The following HFM1 variants were observed in gnomAD, a reference collection of about 807,000 sequenced individuals.
The protein encoded by HFM1 is helicase for meiosis 1, also known as probable ATP-dependent DNA helicase HFM1.
HFM1 carries 169 observed loss-of-function variants against 192.1 expected under a neutral mutation model. That is an observed-to-expected ratio of 0.88 (90% CI 0.78 to 1.00). The LOEUF (loss-of-function observed/expected upper bound fraction) is 1.00. Among genes scored for constraint, HFM1 ranks in the 50% least tolerant of loss-of-function variants. The pLI is 0.00. For missense variants in HFM1, 1,661 were observed against 1,668.0 expected (o/e 1.00, Z 0.07); for synonymous variants, 525 against 537.8 (o/e 0.98, Z 0.33).
chr1:91,404,199 C>A lies in HFM1; in HGVS notation c.-28+599G>T, dbSNP rs567369108. Among the ~76,000 whole-genome samples, 7 of 152,342 alleles carry A rather than the reference C, an allele frequency of 4.6e-5. No individual in the cohort carries two copies. The South Asian group carries it at 1.4e-3, about 32-fold the overall frequency. On this transcript the variant is annotated intron_variant, in intron 1 of 38. Transcript: ENST00000370425. ...CCAGATCTCACCCCCTCTCCCCAGG[C>A]ACCAACAGGGCTGGCTGGAAGGGTC... is the stretch of plus-strand genomic sequence containing the variant.
In HFM1 at chr1:91,350,786, G is replaced by C. The variant is rs200863694; in HGVS notation, c.2158C>G (p.Arg720Gly). 1.9e-6 allele frequency: 3 copies of C among 1,610,364 alleles called. No individual in the cohort carries two copies. The highest frequency in any genetic ancestry group is 2.5e-6 in the Non-Finnish European group (3 of 1,177,866). ...TDVNIAVEWI[R>G]STLLYIRALK... Reference sequence around the variant, plus strand: ...GCTCTGATATAAAGCAGAGTTGATCGTATCCATTCCACAGCAATATTCACA... The same window carrying C: ...GCTCTGATATAAAGCAGAGTTGATCCTATCCATTCCACAGCAATATTCACA... Residue 720 changes from arginine (R) to glycine (G), a missense_variant, in exon 18 of 39, where the codon CGA becomes GGA. Coordinates refer to ENST00000370425, the MANE Select transcript of HFM1 (RefSeq NM_001017975.6).
At chr1:91,322,648 A>G (rs1652300677) in intron 23 of HFM1, among the ~76,000 whole-genome samples, 1 of 152,180 alleles carries the variant, frequency 6.6e-6, no homozygotes, top group Non-Finnish European at 1.5e-5. Context: ...CATACTGTCC[A>G]TTATTTTTAA....
At chr1:91,296,900 T>A (rs1468749665) in intron 30 of HFM1, among the ~76,000 whole-genome samples, 3 of 152,178 alleles carry the variant, frequency 2.0e-5, no homozygotes, top group Non-Finnish European at 4.4e-5. Context: ...CATTTCTAAC[T>A]GAGGTACCGG....
intron 19 of HFM1, among the ~76,000 whole-genome samples, chr1:91,344,111 G>A (rs1000676646): frequency 5.3e-5 from 8 of 152,242 alleles, no homozygotes; most frequent in Admixed American, 2.0e-4. Flanking sequence ...GATGCTTTTA[G>A]GTGTTTACTT....
intron 30 of HFM1, among the ~76,000 whole-genome samples, chr1:91,280,280 T>G (rs487069): frequency 6.6e-6 from 1 of 152,012 alleles, no homozygotes; most frequent in African/African-American, 2.4e-5. Context: ...GCAGAGGGGA[T>G]AGCATATGCT....
intron 2 of HFM1, among the ~76,000 whole-genome samples, chr1:91,400,444 G>C (rs1006410127): frequency 6.6e-6 from 1 of 151,214 alleles, no homozygotes; most frequent in African/African-American, 2.4e-5. Context: ...GAACAAACCA[G>C]AAATACAAAT....
At chr1:91,329,411 G>C in intron 20 of HFM1, 2 of 1,577,204 alleles carry the variant, frequency 1.3e-6, no homozygotes. Context: ...ATTTCTTCAA[G>C]GTGACTGGCT....
chr1:91,406,316 A>G (rs1370714996), upstream of HFM1, among the ~76,000 whole-genome samples: 3 of 152,364 alleles, frequency 2.0e-5, no homozygotes, highest in East Asian at 3.9e-4. Context: ...GGTTTGAGTG[A>G]TAGAATTGTA....
At position 91,380,221 on chromosome 1, in the gene HFM1, T is replaced by A. The variant is rs111276867; in HGVS notation, c.889A>T (p.Arg297Trp). The change falls in exon 8 of 39, where the codon AGG becomes TGG. Residue 297 changes from arginine (R) to tryptophan (W), a missense_variant. Coordinates refer to ENST00000370425, the MANE Select transcript of HFM1 (RefSeq NM_001017975.6). ...GTTGGAGCACAAATCACAAAATTCC[T>A]ATCTGTGTAAAGAAGCTAAAAAATA... is the stretch of plus-strand genomic sequence containing the variant. ...KAFDDLLYTDRNFVICAPTGS... is the reference protein window; with the variant it reads ...KAFDDLLYTDWNFVICAPTGS... 2.5e-4 allele frequency: 387 copies of A among 1,576,794 alleles called. 1 individual carries two copies. In the African/African-American group the frequency reaches 4.9e-3, roughly 20 times the overall value.
Position 91,316,136 on chromosome 1 carries a change from T to C in HFM1, c.2947A>G (p.Met983Val). The C allele has an allele frequency of 6.3e-7, 1 of 1,593,698 alleles. No individual in the cohort carries two copies. ...PFGTQIKETVMYLPKYELKVE... is the reference protein window; with the variant it reads ...PFGTQIKETVVYLPKYELKVE... Reference sequence around the variant, plus strand: ...TTAAGTTCATATTTTGGTAGATACATCACAGTTTCTTTTATCTGGGTTCCA... The same window carrying C: ...TTAAGTTCATATTTTGGTAGATACACCACAGTTTCTTTTATCTGGGTTCCA... The change falls in exon 27 of 39, where the codon ATG becomes GTG. Residue 983 changes from methionine (M) to valine (V), a missense_variant. By Grantham distance (21) the Met-to-Val change is conservative. Coordinates refer to ENST00000370425, the MANE Select transcript of HFM1 (RefSeq NM_001017975.6).
intron 16 of HFM1, 135 bp from the exon 17 acceptor site, chr1:91,351,778 T>C: frequency 2.4e-6 from 1 of 415,268 alleles, no homozygotes; most frequent in Non-Finnish European, 4.3e-6. Context: ...GCCTTAAAAA[T>C]GCTCTCATTT....
At chr1:91,382,696 T>A (rs1261728478) in intron 6 of HFM1, among the ~76,000 whole-genome samples, 2 of 152,358 alleles carry the variant, frequency 1.3e-5, no homozygotes. Flanking sequence ...TGGGCCATCA[T>A]GTTGGTTTTT....
In HFM1 at chr1:91,299,922, A is replaced by G. The variant is rs1032486066; in HGVS notation, c.3391+13427T>C. On this transcript the variant is annotated intron_variant, in intron 30 of 38. Coordinates refer to ENST00000370425, the MANE Select transcript of HFM1 (RefSeq NM_001017975.6). ...ATTCAAAAGCTAGCAGAAGTCAAGA[A>G]ATAACTAAGATCAGAGCAGAACTGA... is the stretch of plus-strand genomic sequence containing the variant. Among the ~76,000 whole-genome samples, 222 of 152,322 alleles carry G rather than the reference A, an allele frequency of 1.5e-3. 1 individual carries two copies. Among genetic ancestry groups the G allele is most frequent in the Middle Eastern group, 3.4e-3 (1 of 294 alleles).
At chr1:91,399,500 C>A (rs1664056489) in intron 2 of HFM1, among the ~76,000 whole-genome samples, 1 of 152,158 alleles carries the variant, frequency 6.6e-6, no homozygotes, top group African/African-American at 2.4e-5. Context: ...AATCCTTATT[C>A]CAGCATTCAA....
intron 30 of HFM1, among the ~76,000 whole-genome samples, chr1:91,302,614 T>C (rs1209982708): frequency 1.3e-5 from 2 of 152,086 alleles, no homozygotes; most frequent in African/African-American, 4.8e-5. Context: ...TAAAAAATGA[T>C]GAGTTCATGT....
intron 2 of HFM1, among the ~76,000 whole-genome samples, chr1:91,399,124 T>C (rs1168158499): frequency 6.6e-6 from 1 of 152,240 alleles, no homozygotes; most frequent in East Asian, 1.9e-4. Context: ...CTGAGTACTA[T>C]GTGCCAGGTA....
In HFM1 at chr1:91,377,766, T is replaced by C. The variant is rs541386630; in HGVS notation, c.1395+259A>G. On this transcript the variant is annotated intron_variant, in intron 11 of 38. Coordinates refer to ENST00000370425, the MANE Select transcript of HFM1 (RefSeq NM_001017975.6). ...GTTAGTGAAGTTACTATGAGGCACCTGAAACCCAGGAAACTAAGACTGTTA... is the reference window on the plus strand; with the variant it reads ...GTTAGTGAAGTTACTATGAGGCACCCGAAACCCAGGAAACTAAGACTGTTA... 4.1e-5 allele frequency: 18 copies of C among 438,568 alleles called. No homozygotes were observed. In the East Asian group the frequency reaches 8.3e-4, roughly 20 times the overall value. The allele number at this position is 438,568 out of a possible 1,614,324, so 27.2% of individuals were successfully genotyped here.
intron 13 of HFM1, among the ~76,000 whole-genome samples, chr1:91,358,892 A>G (rs1658094180): frequency 6.6e-6 from 1 of 152,126 alleles, no homozygotes; most frequent in South Asian, 2.1e-4. Context: ...CTGGGGATGG[A>G]GCTTCTAGAG....
chr1:91,368,899 G>A (rs1659767502), intron 13 of HFM1, among the ~76,000 whole-genome samples: 1 of 152,166 alleles, frequency 6.6e-6, no homozygotes, highest in African/African-American at 2.4e-5. Flanking sequence ...AAGGGATGGA[G>A]GAAGATCTAC....
Sources: gnomAD v4.1 joint callset for allele counts (sites outside exome capture counted in the v4.1 genomes callset) on GRCh38, gnomAD v4.1.1 for gene constraint, MANE v1.5 for transcripts, NCBI Gene and HGNC (gene_info 2026-07-23, HGNC 2026-07-21) for gene names.